STAG2: variants seen among roughly 807,000 people sequenced by gnomAD.
STAG2 encodes cohesin subunit SA-2.
In STAG2, 14 loss-of-function variants were observed where a neutral mutation model predicts 108.1. The observed-to-expected ratio is 0.13, with a 90% CI of 0.09 to 0.20. The LOEUF (loss-of-function observed/expected upper bound fraction) is 0.20, where lower values mean the gene tolerates loss of function less well. STAG2 is among the 10% of genes least tolerant of loss of function. STAG2 has a pLI of 1.00. For missense variants in STAG2, 440 were observed against 940.9 expected, an observed-to-expected ratio of 0.47 and a Z score of 6.96; for synonymous variants, 307 against 302.7, an observed-to-expected ratio of 1.01 and a Z score of -0.15.
intron 28 of STAG2, among the ~76,000 whole-genome samples, chrX:124,083,143 A>G (rs2059004847): frequency 8.9e-6 from 1 of 111,905 alleles, no homozygotes; most frequent in Admixed American, 9.5e-5. Context: ...AAAAGTACTG[A>G]TTAAAGAATG....
At chrX:124,009,114 T>C (rs2056411630) in intron 1 of STAG2, among the ~76,000 whole-genome samples, 1 of 111,766 alleles carries the variant, frequency 8.9e-6, no homozygotes, top group Non-Finnish European at 1.9e-5. Flanking sequence ...GCTCTTAATA[T>C]TAAATATATG....
At chrX:124,048,888 T>A in intron 9 of STAG2, 117 bp from the exon 10 acceptor site, 1 of 547,533 alleles carries the variant, frequency 1.8e-6, no homozygotes, top group South Asian at 2.7e-5. Flanking sequence ...TCTAGTATAA[T>A]TCAAAATTCC....
At chrX:124,073,997 T>C (rs2058738392) in intron 25 of STAG2, among the ~76,000 whole-genome samples, 1 of 112,720 alleles carries the variant, frequency 8.9e-6, no homozygotes, top group South Asian at 3.6e-4. Context: ...AGAATTTGTA[T>C]CTGTTAATAA....
chrX:124,095,397 G>A lies in STAG2; in HGVS notation c.3731G>A (p.Arg1244Lys). The change falls in exon 34 of 35, where the codon AGA becomes AAA. Residue 1244 changes from arginine (R) to lysine (K), a missense_variant. This residue lies in a region of STAG2 where 337 missense variants were observed against 649.3 expected (regional missense o/e 0.52). Coordinates refer to ENST00000371145, the MANE Select transcript of STAG2 (RefSeq NM_001042750.2). ...DLPPSKNRRERTELKPDFFDP... is the reference protein window; with the variant it reads ...DLPPSKNRREKTELKPDFFDP... ...CCACCATCAAAGAACAGACGAGAGA[G>A]AACAGAACTGAAGCCTGATTTCTTT... 8.3e-7 allele frequency: 1 copy of A among 1,209,996 alleles called. No individual in the cohort carries two copies.
At chrX:123,972,985 G>T (rs1265631800) in intron 1 of STAG2, among the ~76,000 whole-genome samples, 1 of 107,244 alleles carries the variant, frequency 9.3e-6, no homozygotes. Context: ...GGAGGCGGAG[G>T]TTGCAGTGAG....
chrX:123,973,844 CAAA>C (rs1340971234), intron 1 of STAG2, among the ~76,000 whole-genome samples: 2 of 85,689 alleles, frequency 2.3e-5, no homozygotes, highest in Non-Finnish European at 2.3e-5. Flanking sequence ...AACTCCCTCT[CAAA>C]AAAAAAAAAA....
chrX:124,047,523 A>G lies in STAG2; in HGVS notation c.819+18A>G. 1 of 1,194,480 alleles carries G rather than the reference A, an allele frequency of 8.4e-7. No homozygotes were observed. Among genetic ancestry groups the G allele is most frequent in the Non-Finnish European group, 1.1e-6 (1 of 884,964 alleles). On this transcript the variant is annotated intron_variant, in intron 9 of 34. Coordinates refer to ENST00000371145, the MANE Select transcript of STAG2 (RefSeq NM_001042750.2). ...GGAAAGAGGTAAACTTTTATATTGA[A>G]TATTTAGGCTATTGTGTGACCAACT...
chrX:124,070,389 C>G (rs1196660105), intron 24 of STAG2, among the ~76,000 whole-genome samples: 1 of 111,740 alleles, frequency 8.9e-6, no homozygotes. Flanking sequence ...TATTGTCTTT[C>G]CAGGAATGAT....
At chrX:123,990,030 AT>A in intron 1 of STAG2, among the ~76,000 whole-genome samples, 1 of 112,008 alleles carries the variant, frequency 8.9e-6, no homozygotes, top group African/African-American at 3.3e-5. Flanking sequence ...GGTTCTTGGC[AT>A]TTTGAACGAA....
At chrX:124,052,165 TG>T (rs958257751) in intron 13 of STAG2, among the ~76,000 whole-genome samples, 2 of 112,273 alleles carry the variant, frequency 1.8e-5, no homozygotes, top group Non-Finnish European at 1.9e-5. Flanking sequence ...TTTTAAAAAA[TG>T]GTAGTAAAAT....
chrX:124,082,649 C>T (rs992956220), intron 28 of STAG2, among the ~76,000 whole-genome samples: 2 of 110,687 alleles, frequency 1.8e-5, no homozygotes, highest in Non-Finnish European at 3.8e-5. Flanking sequence ...CCACTTAGGC[C>T]ACCAAAAGCA....
chrX:124,053,779 G>A (rs890495556), intron 13 of STAG2, among the ~76,000 whole-genome samples: 1 of 111,769 alleles, frequency 8.9e-6, no homozygotes, highest in Admixed American at 9.5e-5. Flanking sequence ...AAAAATGTCT[G>A]TATGGCATAA....
intron 1 of STAG2, among the ~76,000 whole-genome samples, chrX:123,978,534 G>GTGCA (rs780756791): frequency 3.6e-5 from 4 of 111,368 alleles, no homozygotes; most frequent in Non-Finnish European, 5.6e-5. Context: ...GAGTATGTTT[G>GTGCA]TGCATCCTTA....
chrX:124,048,798 C>T (rs183714084), intron 9 of STAG2, among the ~76,000 whole-genome samples: 50 of 111,562 alleles, frequency 4.5e-4, no homozygotes, highest in Non-Finnish European at 7.5e-4. Context: ...ATATTAAAAT[C>T]CCAATCAAAT....
intron 30 of STAG2, among the ~76,000 whole-genome samples, chrX:124,089,812 T>TA (rs2059206960): frequency 9.0e-6 from 1 of 110,641 alleles, no homozygotes; most frequent in Non-Finnish European, 1.9e-5. Flanking sequence ...AGCAAACTGT[T>TA]AGTTTTGAAC....
chrX:123,964,368 C>T (rs1288770530), intron 1 of STAG2, among the ~76,000 whole-genome samples: 1 of 111,682 alleles, frequency 9.0e-6, no homozygotes, highest in Admixed American at 9.5e-5. Flanking sequence ...TTTTAGTTTC[C>T]TTTTTAATTC....
chrX:124,031,149 A>G, intron 5 of STAG2, 24 bp downstream of exon 5: 1 of 1,184,591 alleles, frequency 8.4e-7, no homozygotes, highest in Non-Finnish European at 1.1e-6. Flanking sequence ...TGTTCTTCCC[A>G]GTTCATTTGT....
At chrX:124,063,529 A>C (rs1390696332) in intron 19 of STAG2, among the ~76,000 whole-genome samples, 1 of 111,642 alleles carries the variant, frequency 9.0e-6, no homozygotes. Flanking sequence ...ATAGACGATA[A>C]TAACAATTAT....
intron 1 of STAG2, among the ~76,000 whole-genome samples, chrX:123,975,152 T>G (rs2054560932): frequency 8.9e-6 from 1 of 112,043 alleles, no homozygotes; most frequent in Non-Finnish European, 1.9e-5. Context: ...AGGCATTTTT[T>G]GTAGTCTAAA....
Sources: gnomAD v4.1 joint callset for allele counts (sites outside exome capture counted in the v4.1 genomes callset) on GRCh38, gnomAD v4.1.1 for gene constraint, gnomAD v4.1.1 regional missense constraint, MANE v1.5 for transcripts, NCBI Gene and HGNC (gene_info 2026-07-23, HGNC 2026-07-21) for gene names.